ARK2C: variants seen among roughly 807,000 people sequenced by gnomAD.
ARK2C encodes arkadia (RNF111) C-terminal like ring finger ubiquitin ligase 2C.
At chr18:46,446,532 G>T in the ARK2C span, among the ~76,000 whole-genome samples, 1 of 151,734 alleles carries the variant, frequency 6.6e-6, no homozygotes, top group African/African-American at 2.4e-5. Context: ...TTATCCGGGC[G>T]TGGTGTGGCA....
chr18:46,336,428 T>C, the ARK2C span: 1 of 985,434 alleles, frequency 1.0e-6, no homozygotes, highest in South Asian at 4.7e-5. Context: ...CAGTTAAAGT[T>C]TACTTTCACG....
At chr18:46,337,534 G>C in the ARK2C span, 3 of 985,264 alleles carry the variant, frequency 3.0e-6, no homozygotes, top group Non-Finnish European at 3.6e-6. Context: ...TTGCCCTTCC[G>C]AAGCATGGTG....
the ARK2C span, among the ~76,000 whole-genome samples, chr18:46,357,708 G>A: frequency 6.6e-6 from 1 of 152,228 alleles, no homozygotes; most frequent in South Asian, 2.1e-4. Flanking sequence ...AGTTAGGGAG[G>A]CAGGAATTGC....
At chr18:46,353,120 C>T in the ARK2C span, among the ~76,000 whole-genome samples, 8 of 152,246 alleles carry the variant, frequency 5.3e-5, no homozygotes, top group Admixed American at 2.0e-4. Flanking sequence ...ACAAATCTTC[C>T]TGTCTCATGA....
chr18:46,358,534 G>A, the ARK2C span, among the ~76,000 whole-genome samples: 2 of 152,162 alleles, frequency 1.3e-5, no homozygotes, highest in African/African-American at 4.8e-5. Context: ...GTGGGGCTCT[G>A]GAGTGGCCTC....
chr18:46,337,411 T>C, the ARK2C span: 3 of 985,388 alleles, frequency 3.0e-6, no homozygotes, highest in Non-Finnish European at 3.6e-6. Flanking sequence ...CTGTATTTTT[T>C]TACATCCCCC....
At chr18:46,434,353 A>G in the ARK2C span, among the ~76,000 whole-genome samples, 1 of 152,238 alleles carries the variant, frequency 6.6e-6, no homozygotes, top group Admixed American at 6.5e-5. Flanking sequence ...AATAACAACA[A>G]ATTCATGTTA....
At chr18:46,412,487 T>C in the ARK2C span, among the ~76,000 whole-genome samples, 1 of 152,238 alleles carries the variant, frequency 6.6e-6, no homozygotes, top group Non-Finnish European at 1.5e-5. Context: ...CTGCCAAATG[T>C]CCTGCTAGGA....
chr18:46,391,627 G>A, the ARK2C span, among the ~76,000 whole-genome samples: 1 of 151,894 alleles, frequency 6.6e-6, no homozygotes, highest in Non-Finnish European at 1.5e-5. Flanking sequence ...ACCCTGAGCT[G>A]TTCTGCTTGG....
the ARK2C span, among the ~76,000 whole-genome samples, chr18:46,423,464 G>T: frequency 1.3e-5 from 2 of 152,320 alleles, no homozygotes; most frequent in Middle Eastern, 3.4e-3. Context: ...GAACTCAGGA[G>T]AGAGAGAGGG....
At chr18:46,363,140 A>G in the ARK2C span, among the ~76,000 whole-genome samples, 5 of 152,230 alleles carry the variant, frequency 3.3e-5, no homozygotes, top group African/African-American at 1.2e-4. Context: ...GTACTTGTAG[A>G]CTGAATAAAT....
chr18:46,424,407 A>G, the ARK2C span, among the ~76,000 whole-genome samples: 1 of 152,132 alleles, frequency 6.6e-6, no homozygotes, highest in African/African-American at 2.4e-5. Flanking sequence ...GTGCTTTAGG[A>G]AAGTTAACGT....
At chr18:46,446,893 C>T in the ARK2C span, among the ~76,000 whole-genome samples, 11 of 152,124 alleles carry the variant, frequency 7.2e-5, no homozygotes, top group African/African-American at 2.6e-4. Flanking sequence ...GCTTCTGAGC[C>T]CTTTTGCTGT....
the ARK2C span, among the ~76,000 whole-genome samples, chr18:46,375,490 G>T: frequency 6.6e-6 from 1 of 151,718 alleles, no homozygotes; most frequent in African/African-American, 2.4e-5. Flanking sequence ...GGAGGTGGAG[G>T]TTGCAGTGAG....
At chr18:46,382,160 C>A in the ARK2C span, among the ~76,000 whole-genome samples, 1 of 152,172 alleles carries the variant, frequency 6.6e-6, no homozygotes, top group Non-Finnish European at 1.5e-5. Flanking sequence ...GGTCTGGTAT[C>A]TGAACACTTG....
At chr18:46,427,646 C>T in the ARK2C span, among the ~76,000 whole-genome samples, 1 of 152,230 alleles carries the variant, frequency 6.6e-6, no homozygotes, top group Non-Finnish European at 1.5e-5. Context: ...AAACCCGCAG[C>T]CCCTTCGAGC....
chr18:46,427,673 C>T, the ARK2C span, among the ~76,000 whole-genome samples: 1 of 152,266 alleles, frequency 6.6e-6, no homozygotes, highest in Non-Finnish European at 1.5e-5. Context: ...GCTTCCCTCA[C>T]TCCCCACAAC....
chr18:46,440,488 C>G, the ARK2C span, among the ~76,000 whole-genome samples: 1 of 152,112 alleles, frequency 6.6e-6, no homozygotes, highest in Non-Finnish European at 1.5e-5. Flanking sequence ...CACTGGTGTC[C>G]TGGAACATAT....
chr18:46,453,489 G>C, the ARK2C span, among the ~76,000 whole-genome samples: 3 of 151,938 alleles, frequency 2.0e-5, no homozygotes, highest in African/African-American at 7.3e-5. Context: ...AGTAGATAAA[G>C]GGCTCGGGTA....
Sources: allele counts gnomAD v4.1 joint callset (sites outside exome capture counted in the v4.1 genomes callset), GRCh38; gene constraint gnomAD v4.1.1; transcripts MANE v1.5; gene names NCBI Gene and HGNC (gene_info 2026-07-23, HGNC 2026-07-21).